ME3: variants seen among roughly 807,000 people sequenced by gnomAD.
The protein encoded by ME3 is malic enzyme 3, also known as NADP-dependent malic enzyme, mitochondrial.
In ME3, 48 loss-of-function variants were observed where a neutral mutation model predicts 68.9. The ratio of observed to expected loss-of-function variants is 0.70; its 90% confidence interval spans 0.55 to 0.89. ME3 has a LOEUF of 0.89. Ranked by LOEUF, ME3 falls within the 40% of genes least tolerant of loss-of-function variation. The pLI is 0.00. For missense variants in ME3, 675 were observed against 797.4 expected (o/e 0.85, Z 1.85); for synonymous variants, 320 against 318.8 (o/e 1.00, Z -0.04).
intron 5 of ME3, among the ~76,000 whole-genome samples, chr11:86,506,390 A>C (rs1953075387): frequency 6.6e-6 from 1 of 152,208 alleles, no homozygotes; most frequent in Non-Finnish European, 1.5e-5. Flanking sequence ...TTGGTTTCCC[A>C]ACCACAATAC....
chr11:86,581,556 G>A (rs904103707), intron 2 of ME3, among the ~76,000 whole-genome samples: 19 of 152,306 alleles, frequency 1.2e-4, no homozygotes, highest in African/African-American at 4.3e-4. Flanking sequence ...TTTAAGTGAA[G>A]CAGTTTGGGT....
At chr11:86,582,996 C>A (rs1958529659) in intron 2 of ME3, among the ~76,000 whole-genome samples, 1 of 151,796 alleles carries the variant, frequency 6.6e-6, no homozygotes, top group Non-Finnish European at 1.5e-5. Context: ...AAACCAAGAT[C>A]AGAGGCTGGC....
intron 2 of ME3, among the ~76,000 whole-genome samples, chr11:86,568,738 AG>A (rs1957620564): frequency 6.6e-6 from 1 of 152,206 alleles, no homozygotes; most frequent in Non-Finnish European, 1.5e-5. Flanking sequence ...TCAGTCTCCC[AG>A]TACTGCTTTG....
chr11:86,526,745 C>A (rs955580691), intron 4 of ME3, among the ~76,000 whole-genome samples: 2 of 152,156 alleles, frequency 1.3e-5, no homozygotes, highest in Admixed American at 6.5e-5. Flanking sequence ...CTGCTGATAC[C>A]CAGGCGAACA....
chr11:86,442,782 G>A (rs1949071918), intron 14 of ME3, 39 bp downstream of exon 14: 10 of 1,516,238 alleles, frequency 6.6e-6, no homozygotes, highest in Non-Finnish European at 7.3e-6. Flanking sequence ...AAGTGGTTGA[G>A]CCTCACTACC....
At chr11:86,667,200 A>G (rs1425151746) in intron 2 of ME3, among the ~76,000 whole-genome samples, 1 of 152,216 alleles carries the variant, frequency 6.6e-6, no homozygotes, top group African/African-American at 2.4e-5. Context: ...GACTTGACTA[A>G]GCACACTTTC....
chr11:86,632,989 T>C (rs530777611), intron 2 of ME3, among the ~76,000 whole-genome samples: 1 of 152,344 alleles, frequency 6.6e-6, no homozygotes, highest in East Asian at 1.9e-4. Flanking sequence ...GCCTGAGCAC[T>C]GCACGGCCCC....
chr11:86,659,989 TC>T (rs1173361645), intron 2 of ME3, among the ~76,000 whole-genome samples: 7 of 152,170 alleles, frequency 4.6e-5, no homozygotes, highest in Non-Finnish European at 8.8e-5. Flanking sequence ...ACTGATGATA[TC>T]CACTATCTTC....
At chr11:86,582,534 A>C (rs181105398) in intron 2 of ME3, among the ~76,000 whole-genome samples, 17 of 152,320 alleles carry the variant, frequency 1.1e-4, no homozygotes, top group Admixed American at 2.0e-4. Flanking sequence ...GTCCTTGGGA[A>C]ATATCTCAAT....
intron 2 of ME3, among the ~76,000 whole-genome samples, chr11:86,582,447 C>T (rs921226494): frequency 8.5e-5 from 13 of 152,136 alleles, no homozygotes; most frequent in African/African-American, 2.9e-4. Context: ...TTATGAGAAA[C>T]TGCACCAGAA....
At chr11:86,541,601 C>T (rs912674906) in intron 4 of ME3, among the ~76,000 whole-genome samples, 1 of 152,210 alleles carries the variant, frequency 6.6e-6, no homozygotes, top group African/African-American at 2.4e-5. Flanking sequence ...CTCTAGATTC[C>T]TCCTCTCTGG....
chr11:86,505,020 C>T (rs593853), intron 5 of ME3, among the ~76,000 whole-genome samples: 115,926 of 152,058 alleles, frequency 0.76, 44,433 homozygotes, highest in Non-Finnish European at 0.8. Context: ...AGGACCCACA[C>T]TGGGGGTTTC....
chr11:86,484,080 T>G (rs926501687), intron 7 of ME3, among the ~76,000 whole-genome samples: 1 of 152,166 alleles, frequency 6.6e-6, no homozygotes. Flanking sequence ...GGAGATTCCT[T>G]CTGTCCTGGC....
intron 7 of ME3, among the ~76,000 whole-genome samples, chr11:86,476,375 G>T (rs1239924885): frequency 2.0e-5 from 3 of 152,210 alleles, no homozygotes; most frequent in Non-Finnish European, 1.5e-5. Flanking sequence ...GCCATCAAAG[G>T]CATCCTTCCA....
intron 3 of ME3, among the ~76,000 whole-genome samples, chr11:86,558,057 C>A (rs1957020436): frequency 6.6e-6 from 1 of 152,072 alleles, no homozygotes; most frequent in Admixed American, 6.5e-5. Context: ...CAGGGGCAAG[C>A]CCTCTAGAGC....
chr11:86,533,528 A>C (rs571442743), intron 4 of ME3, among the ~76,000 whole-genome samples: 10 of 152,314 alleles, frequency 6.6e-5, no homozygotes, highest in Non-Finnish European at 1.5e-4. Context: ...AGAAAAACCC[A>C]GGACCAGACA....
chr11:86,653,670 A>G (rs1258035862), intron 2 of ME3, among the ~76,000 whole-genome samples: 3 of 152,240 alleles, frequency 2.0e-5, no homozygotes, highest in African/African-American at 7.2e-5. Flanking sequence ...ACACCCTAAC[A>G]TCACAATTAA....
chr11:86,561,849 C>A (rs1445720187), intron 2 of ME3, among the ~76,000 whole-genome samples: 1 of 152,170 alleles, frequency 6.6e-6, no homozygotes, highest in Non-Finnish European at 1.5e-5. Context: ...GAGATTGTTA[C>A]ATACATCTGT....
chr11:86,590,874 G>A (rs1353043045), intron 2 of ME3, among the ~76,000 whole-genome samples: 2 of 152,232 alleles, frequency 1.3e-5, no homozygotes, highest in African/African-American at 2.4e-5. Flanking sequence ...GCACTATGAG[G>A]CAGTAATAAG....
Sources: allele counts gnomAD v4.1 joint callset (sites outside exome capture counted in the v4.1 genomes callset), GRCh38; gene constraint gnomAD v4.1.1; transcripts MANE v1.5; gene names NCBI Gene and HGNC (gene_info 2026-07-23, HGNC 2026-07-21).